The following OTOG variants were observed in gnomAD, a reference collection of about 807,000 sequenced individuals.
OTOG encodes otogelin.
A neutral mutation model predicts 313.8 loss-of-function variants in OTOG; 296 were observed. The observed-to-expected ratio is 0.94, with a 90% CI of 0.86 to 1.04. OTOG has a LOEUF of 1.04. Among genes scored for constraint, OTOG ranks in the 50% least tolerant of loss-of-function variants. The probability of loss-of-function intolerance (pLI) is 0.00; values close to 1 mark genes in which losing one functional copy is unlikely to be tolerated. For synonymous variants in OTOG, 1,533 were observed against 1,554.9 expected, an observed-to-expected ratio of 0.99 and a Z score of 0.33; for missense variants, 3,948 against 3,840.1, an observed-to-expected ratio of 1.03 and a Z score of -0.74.
chr11:17,553,000 T>A, intron 4 of OTOG, 119 bp from the exon 5 acceptor site: 1 of 854,736 alleles, frequency 1.2e-6, no homozygotes, highest in South Asian at 1.6e-5. Context: ...TGCTGAGGAA[T>A]GTTGGGGCTG....
Position 17,612,758 on chromosome 11 carries a change from C to T in OTOG, c.6431C>T (p.Ala2144Val). The T allele has an allele frequency of 6.5e-7, 1 of 1,550,198 alleles. No individual in the cohort carries two copies. The highest frequency in any genetic ancestry group is 8.7e-7 in the Non-Finnish European group (1 of 1,146,788). The change falls in exon 38 of 56, where the codon GCC (alanine) becomes GTC (valine). Residue 2144 changes from alanine (A) to valine (V), a missense_variant. By Grantham distance (64) the Ala-to-Val change is moderately conservative (BLOSUM62 0). Coordinates refer to ENST00000399397, the MANE Select transcript of OTOG (RefSeq NM_001292063.2). ...LTVHVLDCKS[A>V]NLGHLNWPPF... ...GTCCATGTACTGGACTGCAAAAGTGCCAACCTGGTGCCTGCCCCATACCTC... is the reference window on the plus strand; with the variant it reads ...GTCCATGTACTGGACTGCAAAAGTGTCAACCTGGTGCCTGCCCCATACCTC...
intron 17 of OTOG, among the ~76,000 whole-genome samples, chr11:17,571,582 A>T (rs1246438854): frequency 6.6e-6 from 1 of 152,186 alleles, no homozygotes; most frequent in Non-Finnish European, 1.5e-5. Flanking sequence ...CCATGGAGAA[A>T]GGGGGAGGAA....
chr11:17,586,559 G>T lies in OTOG; in HGVS notation c.2845G>T (p.Val949Leu). The change falls in exon 24 of 56, where the codon GTG (valine) becomes TTG (leucine). Residue 949 changes from valine to leucine, a missense_variant. Transcript: ENST00000399397. ...GAAGGAGTATTTCCCTGGGGACCAG[G>T]TGATGTCTCCTTGCCATACCTGGTA... ...KGKEYFPGDQ[V>L]MSPCHTCVCQ... 1.4e-6 allele frequency: 2 copies of T among 1,418,142 alleles called. No homozygotes were observed. The highest frequency in any genetic ancestry group is 2.9e-5 in the Admixed American group (1 of 33,904). 87.8% of individuals were successfully genotyped at this position (1,418,142 alleles called of 1,614,324 possible).
intron 4 of OTOG, among the ~76,000 whole-genome samples, 169 bp from the exon 5 acceptor site, chr11:17,552,950 G>A (rs368894619): frequency 1.3e-5 from 2 of 152,234 alleles, no homozygotes; most frequent in East Asian, 1.9e-4. Flanking sequence ...TTGCCAGGGA[G>A]GGGGCAGGGC....
At chr11:17,612,549 C>A in intron 37 of OTOG, 71 bp from the exon 38 acceptor site, 1 of 1,483,862 alleles carries the variant, frequency 6.7e-7, no homozygotes, top group Non-Finnish European at 9.0e-7. Context: ...CAGGAACCTG[C>A]CCCATCTTCC....
chr11:17,569,013 C>G lies in OTOG; in HGVS notation c.1645-143C>G. 3 of 997,556 alleles carry G rather than the reference C, an allele frequency of 3.0e-6. No homozygotes were observed. In the South Asian group the frequency reaches 5.0e-5, roughly 17 times the overall value. 61.8% of individuals were successfully genotyped at this position (997,556 alleles called of 1,614,324 possible). ...AGACGAGGGTATTTGGTTGGATGAT[C>G]CCTGATATCTTTGGGGCTCTGTCTG... On this transcript the variant is annotated intron_variant, in intron 15 of 55. Transcript: ENST00000399397.
intron 9 of OTOG, 83 bp from the exon 10 acceptor site, chr11:17,558,455 C>A: frequency 6.5e-7 from 1 of 1,527,944 alleles, no homozygotes; most frequent in East Asian, 2.5e-5. Context: ...TCTCCCTCTC[C>A]CCACAGCTCA....
chr11:17,597,655 T>C (rs1202174209), intron 30 of OTOG, among the ~76,000 whole-genome samples: 2 of 152,222 alleles, frequency 1.3e-5, no homozygotes, highest in African/African-American at 2.4e-5. Flanking sequence ...AAGTAAAATA[T>C]GTAAACAAAT....
intron 12 of OTOG, among the ~76,000 whole-genome samples, chr11:17,560,032 AT>A (rs1852148444): frequency 6.6e-6 from 1 of 152,208 alleles, no homozygotes; most frequent in Non-Finnish European, 1.5e-5. Context: ...TCATCAGGAC[AT>A]TTGATTTCAT....
At chr11:17,622,458 CA>C (rs2134113377) in intron 39 of OTOG, among the ~76,000 whole-genome samples, 1 of 152,234 alleles carries the variant, frequency 6.6e-6, no homozygotes, top group African/African-American at 2.4e-5. Flanking sequence ...TGCTATCAAA[CA>C]CTAAGTCTTA....
chr11:17,586,451 G>T (rs1288977304), intron 23 of OTOG, 23 bp from the exon 24 acceptor site: 1 of 1,330,636 alleles, frequency 7.5e-7, no homozygotes, highest in Non-Finnish European at 9.7e-7. Flanking sequence ...TCTCCTGACC[G>T]CCTGCTTGCT....
rs145689709 is a variant in OTOG, at chr11:17,606,001, G to A, written c.4022G>A (p.Arg1341Gln). 3.5e-3 allele frequency: 5,405 copies of A among 1,550,594 alleles called. 17 individuals are homozygous for A. The highest frequency in any genetic ancestry group is 6.8e-3 in the Middle Eastern group (41 of 5,992). Residue 1341 changes from arginine (R) to glutamine (Q), a missense_variant, in exon 33 of 56, where the codon CGG becomes CAG. By Grantham distance (43) the Arg-to-Gln change is conservative. Transcript: ENST00000399397. ...TCCTTCTTGCTGCACCGGGGGACAC[G>A]GCAGGCAGGCCTGGTGGCCCTGGAG... is the stretch of plus-strand genomic sequence containing the variant. ...HASFLLHRGT[R>Q]QAGLVALESL...
Position 17,578,117 on chromosome 11 carries a change from G to A in OTOG, c.2606-256G>A, listed in dbSNP as rs569317546. 1.1e-4 allele frequency: 52 copies of A among 479,338 alleles called. No homozygotes were observed. In the Middle Eastern group the frequency reaches 3.1e-3, roughly 29 times the overall value. 29.7% of individuals were successfully genotyped at this position (479,338 alleles called of 1,614,324 possible). ...GATTCAATATGATGATGCAGGGGAA[G>A]CACCTGGAGTAGTCTGGTATGGAGG... On this transcript the variant is annotated intron_variant, in intron 22 of 55. Transcript: ENST00000399397.
At position 17,633,687 on chromosome 11, in the gene OTOG, G is replaced by A. The variant is rs1195511863; in HGVS notation, c.7080G>A (p.Leu2360=). ...CCCACTGTGCCCCTGCAGCCTTCCT[G>A]TGCTCCAGCGACTCCACATACCAGG... ...EWRRSDYCPF[L]CSSDSTYQAC... Residue 2360 remains leucine (L), a synonymous_variant, in exon 43 of 56, where the codon CTG becomes CTA. Transcript: ENST00000399397. 4 of 1,534,418 alleles carry A rather than the reference G, an allele frequency of 2.6e-6. No homozygotes were observed. Among genetic ancestry groups the A allele is most frequent in the Non-Finnish European group, 3.5e-6 (4 of 1,138,484 alleles).
In OTOG at chr11:17,555,878, G is replaced by T; in HGVS notation, c.640G>T (p.Val214Phe). 3.2e-6 allele frequency: 5 copies of T among 1,551,044 alleles called. No homozygotes were observed. Among genetic ancestry groups the T allele is most frequent in the Non-Finnish European group, 4.4e-6 (5 of 1,147,042 alleles). ...GEQEIHLAKE[V>F]THGGMRVQLP... is the part of the protein sequence containing the mutation. ...GCAGGAGATCCATCTGGCCAAGGAG[G>T]TCACCCATGGAGGCATGAGGTAACT... The change falls in exon 7 of 56, where the codon GTC (valine) becomes TTC (phenylalanine). Residue 214 changes from valine (V) to phenylalanine (F), a missense_variant. Coordinates refer to ENST00000399397, the MANE Select transcript of OTOG (RefSeq NM_001292063.2).
intron 39 of OTOG, among the ~76,000 whole-genome samples, chr11:17,628,416 T>C (rs537499324): frequency 1.3e-5 from 2 of 152,212 alleles, no homozygotes; most frequent in Admixed American, 6.5e-5. Flanking sequence ...TATATTCCAT[T>C]TTTTTCAGTG....
intron 48 of OTOG, 67 bp downstream of exon 48, chr11:17,638,616 G>A (rs1305696932): frequency 2.2e-5 from 34 of 1,513,422 alleles, no homozygotes; most frequent in African/African-American, 2.8e-5. Flanking sequence ...AGGGATTGAG[G>A]GAGCCCGGCC....
rs114425694 is a variant in OTOG at position 17,578,649 on chromosome 11, C to T, written c.2759+123C>T. ...GTAGGAAGGCACTGGCCCAGGCTGG[C>T]CAGCCACAGCTGTAATGGCCAGAGA... On this transcript the variant is annotated intron_variant, in intron 23 of 55. Coordinates refer to ENST00000399397, the MANE Select transcript of OTOG (RefSeq NM_001292063.2). The T allele has an allele frequency of 0.041, 51,077 of 1,242,588 alleles. 1,293 individuals carry two copies. Among genetic ancestry groups the T allele is most frequent in the African/African-American group, 0.098 (6,458 of 65,864 alleles). 77.0% of individuals were successfully genotyped at this position (1,242,588 alleles called of 1,614,324 possible).
intron 39 of OTOG, among the ~76,000 whole-genome samples, chr11:17,618,776 T>C (rs1853794215): frequency 2.6e-5 from 4 of 152,228 alleles, no homozygotes; most frequent in Admixed American, 2.6e-4. Flanking sequence ...TTTTGATGAA[T>C]TAACTCTTTT....
Sources: allele counts gnomAD v4.1 joint callset (sites outside exome capture counted in the v4.1 genomes callset), GRCh38; gene constraint gnomAD v4.1.1; transcripts MANE v1.5; gene names NCBI Gene and HGNC (gene_info 2026-07-23, HGNC 2026-07-21).